PLCB1: variants seen among roughly 807,000 people sequenced by gnomAD.
PLCB1 encodes 1-phosphatidylinositol 4,5-bisphosphate phosphodiesterase beta-1.
In PLCB1, 46 loss-of-function variants were observed where a neutral mutation model predicts 161.8. The observed-to-expected ratio is 0.28, with a 90% CI of 0.22 to 0.36. PLCB1 has a LOEUF of 0.36. Ranked by LOEUF, PLCB1 falls within the 10% of genes least tolerant of loss-of-function variation. The probability of loss-of-function intolerance (pLI) is 1.00; values close to 1 mark genes in which losing one functional copy is unlikely to be tolerated. For missense variants in PLCB1, 1,016 were observed against 1,472.5 expected, an observed-to-expected ratio of 0.69 and a Z score of 5.07; for synonymous variants, 517 against 503.7, an observed-to-expected ratio of 1.03 and a Z score of -0.35.
At chr20:8,589,333 C>G (rs1011196411) in intron 3 of PLCB1, among the ~76,000 whole-genome samples, 9 of 152,214 alleles carry the variant, frequency 5.9e-5, no homozygotes, top group African/African-American at 2.2e-4. Flanking sequence ...GAGAATTAGA[C>G]AGTCCTTGCC....
intron 31 of PLCB1, among the ~76,000 whole-genome samples, chr20:8,872,213 A>T (rs1987632752): frequency 6.6e-6 from 1 of 152,200 alleles, no homozygotes; most frequent in Non-Finnish European, 1.5e-5. Flanking sequence ...TATTTAGGAA[A>T]ATCTACCCAA....
At chr20:8,512,513 A>G (rs1418882658) in intron 3 of PLCB1, among the ~76,000 whole-genome samples, 3 of 152,128 alleles carry the variant, frequency 2.0e-5, no homozygotes, top group African/African-American at 7.2e-5. Flanking sequence ...AAATTCTGTG[A>G]TGTCAAAATC....
At chr20:8,668,146 A>G (rs572937865) in intron 9 of PLCB1, among the ~76,000 whole-genome samples, 1 of 152,240 alleles carries the variant, frequency 6.6e-6, no homozygotes, top group Admixed American at 6.5e-5. Flanking sequence ...AATGCAGAAA[A>G]AAAAAAAGCA....
chr20:8,508,230 C>T (rs1165930342), intron 3 of PLCB1, among the ~76,000 whole-genome samples: 3 of 152,172 alleles, frequency 2.0e-5, no homozygotes, highest in African/African-American at 7.2e-5. Flanking sequence ...AAAATAAACT[C>T]CTTCCTGGGC....
intron 31 of PLCB1, among the ~76,000 whole-genome samples, chr20:8,875,109 T>C (rs1206694156): frequency 6.6e-6 from 1 of 151,730 alleles, no homozygotes; most frequent in Non-Finnish European, 1.5e-5. Flanking sequence ...ATATATATAG[T>C]TGTATTGTAT....
chr20:8,196,664 A>ATATATATAT (rs397786544), intron 2 of PLCB1, among the ~76,000 whole-genome samples: 27 of 149,624 alleles, frequency 1.8e-4, no homozygotes, highest in African/African-American at 6.4e-4. Flanking sequence ...ATATATATAT[A>ATATATATAT]AAATATATAT....
At chr20:8,628,256 T>C (rs771584905) in intron 3 of PLCB1, 38 bp from the exon 4 acceptor site, 164 of 1,508,188 alleles carry the variant, frequency 1.1e-4, no homozygotes, top group Non-Finnish European at 1.5e-4. Flanking sequence ...TTGGAATCTC[T>C]AGTTATAGAC....
At chr20:8,730,808 A>T (rs1295119766) in intron 18 of PLCB1, among the ~76,000 whole-genome samples, 1 of 151,660 alleles carries the variant, frequency 6.6e-6, no homozygotes, top group African/African-American at 2.4e-5. Flanking sequence ...TAGTTTTCTT[A>T]GACTGAATCT....
At chr20:8,437,271 A>G (rs1278491652) in intron 3 of PLCB1, among the ~76,000 whole-genome samples, 1 of 152,364 alleles carries the variant, frequency 6.6e-6, no homozygotes, top group Non-Finnish European at 1.5e-5. Context: ...AGTGGAAATC[A>G]GGAAACCAAC....
chr20:8,365,519 A>G (rs1235836794), intron 2 of PLCB1, among the ~76,000 whole-genome samples: 3 of 152,182 alleles, frequency 2.0e-5, no homozygotes, highest in African/African-American at 7.2e-5. Context: ...GATTTCTTTG[A>G]GAGGTACATT....
At chr20:8,138,449 A>G (rs2051370185) in intron 1 of PLCB1, among the ~76,000 whole-genome samples, 1 of 152,228 alleles carries the variant, frequency 6.6e-6, no homozygotes, top group Non-Finnish European at 1.5e-5. Context: ...CTTAAATAAC[A>G]AACCCCTGGT....
intron 3 of PLCB1, among the ~76,000 whole-genome samples, chr20:8,466,440 T>A (rs577573948): frequency 2.6e-5 from 4 of 151,750 alleles, no homozygotes; most frequent in African/African-American, 2.4e-5. Context: ...AACCTGCACA[T>A]TGTGCACATG....
chr20:8,658,549 G>A lies in PLCB1; in HGVS notation c.707G>A (p.Ser236Asn), dbSNP rs1367561790. The A allele has an allele frequency of 1.3e-6, 2 of 1,597,380 alleles. No individual in the cohort carries two copies. The highest frequency in any genetic ancestry group is 8.5e-7 in the Non-Finnish European group (1 of 1,174,928). The change falls in exon 9 of 32, where the codon AGC becomes AAC. Residue 236 changes from serine (S) to asparagine (N), a missense_variant. Physicochemically the swap from Ser to Asn is conservative, Grantham distance 46. This residue lies in a region of PLCB1 where 117 missense variants were observed against 142.2 expected (regional missense o/e 0.82). Coordinates refer to ENST00000338037, the MANE Select transcript of PLCB1 (RefSeq NM_015192.4). ...DNIFSEFGAK[S>N]KPYLTVDQMM... is the part of the protein sequence containing the mutation. ...TTCATTGTTTTTAGTGGTGCAAAAAGCAAACCATATCTTACCGTTGATCAG... is the reference window on the plus strand; with the variant it reads ...TTCATTGTTTTTAGTGGTGCAAAAAACAAACCATATCTTACCGTTGATCAG...
At chr20:8,563,369 G>A (rs913931910) in intron 3 of PLCB1, among the ~76,000 whole-genome samples, 18 of 151,954 alleles carry the variant, frequency 1.2e-4, no homozygotes, top group Non-Finnish European at 2.5e-4. Flanking sequence ...CTTAGATACA[G>A]CAGGAAGATT....
chr20:8,724,197 G>T (rs555745787), intron 15 of PLCB1, among the ~76,000 whole-genome samples: 1 of 148,394 alleles, frequency 6.7e-6, no homozygotes, highest in Non-Finnish European at 1.5e-5. Context: ...AAACCTGCAC[G>T]TGTAGCCCTG....
chr20:8,496,351 A>G (rs1270897912), intron 3 of PLCB1, among the ~76,000 whole-genome samples: 1 of 145,430 alleles, frequency 6.9e-6, no homozygotes, highest in East Asian at 2.0e-4. Context: ...AAAAAAAAAT[A>G]CAAAAATTAG....
intron 3 of PLCB1, among the ~76,000 whole-genome samples, chr20:8,430,114 A>C (rs776233569): frequency 6.6e-6 from 1 of 152,038 alleles, no homozygotes; most frequent in Non-Finnish European, 1.5e-5. Flanking sequence ...GGTTATTTAC[A>C]CTGTGACTGG....
intron 25 of PLCB1, among the ~76,000 whole-genome samples, chr20:8,764,008 T>G (rs1982181921): frequency 1.3e-5 from 2 of 151,852 alleles, no homozygotes; most frequent in South Asian, 4.2e-4. Flanking sequence ...CCATAAAAAA[T>G]AGAAAATAAT....
intron 11 of PLCB1, among the ~76,000 whole-genome samples, chr20:8,700,369 A>G (rs901556864): frequency 6.6e-6 from 1 of 152,214 alleles, no homozygotes; most frequent in African/African-American, 2.4e-5. Flanking sequence ...ATCCTAAGGC[A>G]TATTTATTTT....
Sources: gnomAD v4.1 joint callset for allele counts (sites outside exome capture counted in the v4.1 genomes callset) on GRCh38, gnomAD v4.1.1 for gene constraint, gnomAD v4.1.1 regional missense constraint, MANE v1.5 for transcripts, NCBI Gene and HGNC (gene_info 2026-07-23, HGNC 2026-07-21) for gene names.